The following MCUB variants were observed in gnomAD, a reference collection of about 807,000 sequenced individuals.
The protein encoded by MCUB is calcium uniporter regulatory subunit MCUb, mitochondrial.
A neutral mutation model predicts 41.4 loss-of-function variants in MCUB; 46 were observed. That is an observed-to-expected ratio of 1.11 (90% CI 0.88 to 1.42). MCUB has a LOEUF of 1.42. Among genes scored for constraint, MCUB ranks in the 40% most tolerant of loss-of-function variants. MCUB has a pLI of 0.00. For missense variants in MCUB, 403 were observed against 404.9 expected (o/e 1.00, Z 0.04); for synonymous variants, 148 against 148.2 (o/e 1.00, Z 0.01).
chr4:109,599,865 T>C, intron 1 of MCUB, among the ~76,000 whole-genome samples: 1 of 152,112 alleles, frequency 6.6e-6, no homozygotes, highest in Non-Finnish European at 1.5e-5. Context: ...AGATAGGGTT[T>C]CACCATGTTG....
intron 1 of MCUB, among the ~76,000 whole-genome samples, chr4:109,609,717 A>C (rs1353313036): frequency 6.6e-6 from 1 of 152,114 alleles, no homozygotes; most frequent in Non-Finnish European, 1.5e-5. Context: ...GTGCTGGCTC[A>C]GACCTGAATC....
rs1470442481 is a variant in MCUB at position 109,660,107 on chromosome 4, T to G, written c.176-88T>G. 11 of 686,138 alleles carry G rather than the reference T, an allele frequency of 1.6e-5. No homozygotes were observed. In the South Asian group the frequency reaches 2.2e-4, roughly 14 times the overall value. 42.5% of individuals were successfully genotyped at this position (686,138 alleles called of 1,614,324 possible). A position where few individuals can be genotyped will look rare whatever the true frequency, so the allele number is the denominator to read the frequency against. On this transcript the variant is annotated intron_variant, in intron 2 of 7. Coordinates refer to ENST00000394650, the MANE Select transcript of MCUB (RefSeq NM_017918.5). ...AGACTTCAGAGGTTTGTGAATTTCA[T>G]GTTTGAGCATTCCTTCTAGAATTCT...
At chr4:109,597,652 C>T (rs1307931536) in intron 1 of MCUB, among the ~76,000 whole-genome samples, 1 of 146,638 alleles carries the variant, frequency 6.8e-6, no homozygotes, top group African/African-American at 2.5e-5. Context: ...CCCCCACCTC[C>T]CTCCCAGACC....
At chr4:109,664,499 A>C in intron 4 of MCUB, 105 bp downstream of exon 4, 6 of 577,582 alleles carry the variant, frequency 1.0e-5, no homozygotes, top group East Asian at 2.9e-5. Flanking sequence ...GTCATAGCTC[A>C]CTGTAATCTC....
chr4:109,611,863 A>C (rs555748760), intron 1 of MCUB, among the ~76,000 whole-genome samples: 1 of 152,378 alleles, frequency 6.6e-6, no homozygotes, highest in African/African-American at 2.4e-5. Flanking sequence ...TATAAGAAGA[A>C]AATAAAGCCC....
chr4:109,671,560 C>T (rs1561248865), intron 4 of MCUB, among the ~76,000 whole-genome samples: 1 of 151,912 alleles, frequency 6.6e-6, no homozygotes, highest in East Asian at 1.9e-4. Context: ...GTTTTTATTT[C>T]TAGCAATTCC....
chr4:109,634,464 C>G (rs1728544936), intron 1 of MCUB, among the ~76,000 whole-genome samples: 1 of 136,310 alleles, frequency 7.3e-6, no homozygotes, highest in Non-Finnish European at 1.5e-5. Flanking sequence ...GCCTGGGCAA[C>G]AAGAGCGAAA....
At chr4:109,662,743 G>A (rs1487483198) in intron 3 of MCUB, among the ~76,000 whole-genome samples, 1 of 152,122 alleles carries the variant, frequency 6.6e-6, no homozygotes, top group Non-Finnish European at 1.5e-5. Flanking sequence ...AGATTTTAAG[G>A]AGCTGGTTTG....
chr4:109,562,242 C>T (rs892436236), intron 1 of MCUB, among the ~76,000 whole-genome samples: 2 of 152,134 alleles, frequency 1.3e-5, no homozygotes, highest in South Asian at 4.1e-4. Flanking sequence ...ATGGTACCAT[C>T]GGGCTTATTA....
intron 1 of MCUB, among the ~76,000 whole-genome samples, chr4:109,586,715 AGCT>A (rs1727314615): frequency 6.6e-6 from 1 of 152,100 alleles, no homozygotes. Context: ...CAGGTCCCTC[AGCT>A]GCAGGTCTGT....
intron 1 of MCUB, among the ~76,000 whole-genome samples, chr4:109,618,952 TTCTCTCTCTC>T (rs10557098): frequency 8.3e-4 from 106 of 127,736 alleles, no homozygotes; most frequent in Admixed American, 1.7e-3. Flanking sequence ...AACATTAAAC[TTCTCTCTCTC>T]TCTCTCTCTC....
At chr4:109,608,783 G>T (rs1052806753) in intron 1 of MCUB, among the ~76,000 whole-genome samples, 3 of 152,168 alleles carry the variant, frequency 2.0e-5, no homozygotes, top group African/African-American at 7.2e-5. Flanking sequence ...TTAAAGGCAT[G>T]AGCCACCATA....
intron 3 of MCUB, 47 bp downstream of exon 3, chr4:109,660,412 C>G (rs752728465): frequency 4.6e-6 from 5 of 1,083,262 alleles, no homozygotes; most frequent in Non-Finnish European, 6.7e-6. Flanking sequence ...GTTTCTGTCT[C>G]TCCTGAACTT....
chr4:109,588,152 A>G (rs1466586322), intron 1 of MCUB, among the ~76,000 whole-genome samples: 2 of 152,246 alleles, frequency 1.3e-5, no homozygotes, highest in Non-Finnish European at 2.9e-5. Flanking sequence ...TGGCCTCTTC[A>G]CATTAGTGTC....
intron 1 of MCUB, among the ~76,000 whole-genome samples, chr4:109,601,517 T>C (rs1727743807): frequency 6.6e-6 from 1 of 152,226 alleles, no homozygotes; most frequent in South Asian, 2.1e-4. Context: ...GTGCCTGGCT[T>C]ATTTCACTTA....
Position 109,577,902 on chromosome 4 carries a change from G to A in MCUB, c.99+17466G>A, listed in dbSNP as rs1400180765. Among the ~76,000 whole-genome samples, 7 of 28,580 alleles carry A rather than the reference G, an allele frequency of 2.4e-4. 3 individuals carry two copies. In the East Asian group the frequency reaches 5.2e-3, roughly 21 times the overall value. The allele number at this position is 28,580 out of a possible 152,430, so 18.7% of individuals were successfully genotyped here. On this transcript the variant is annotated intron_variant, in intron 1 of 7. Transcript: ENST00000394650. ...TGGGATTACAGGTGTGAGCCACCGC[G>A]CCCGGCCGGGTACTTGAATTCTTTA...
Position 109,563,890 on chromosome 4 carries a change from A to G in MCUB, c.99+3454A>G, listed in dbSNP as rs76701382. ...GCGTGAGCCACCGCGCCCAGCCCAC[A>G]GCACTTCTTAAAAAAATAAAAGTAA... On this transcript the variant is annotated intron_variant, in intron 1 of 7. Transcript: ENST00000394650. 7.9e-5 allele frequency among the ~76,000 whole-genome samples: 12 copies of G among 151,986 alleles called. No homozygotes were observed. In the East Asian group the frequency reaches 2.3e-3, roughly 30 times the overall value.
At chr4:109,562,843 A>G (rs561663837) in intron 1 of MCUB, among the ~76,000 whole-genome samples, 1 of 152,218 alleles carries the variant, frequency 6.6e-6, no homozygotes, top group Non-Finnish European at 1.5e-5. Flanking sequence ...TTCATATTGT[A>G]TGTGAGCAAT....
intron 4 of MCUB, among the ~76,000 whole-genome samples, chr4:109,681,979 C>T (rs551485363): frequency 6.6e-6 from 1 of 152,234 alleles, no homozygotes; most frequent in African/African-American, 2.4e-5. Context: ...GGTTTTATAT[C>T]CCGATCCTTG....
Sources: allele counts gnomAD v4.1 joint callset (sites outside exome capture counted in the v4.1 genomes callset), GRCh38; gene constraint gnomAD v4.1.1; transcripts MANE v1.5; gene names NCBI Gene and HGNC (gene_info 2026-07-23, HGNC 2026-07-21).